ZFC3H1: variants seen among roughly 807,000 people sequenced by gnomAD.
ZFC3H1 encodes the protein zinc finger C3H1-type containing, also known as zinc finger C3H1 domain-containing protein.
Under a neutral mutation model 243.7 loss-of-function variants are expected in ZFC3H1, and 71 were observed. The ratio of observed to expected loss-of-function variants is 0.29; its 90% CI spans 0.24 to 0.36. The LOEUF is 0.36. ZFC3H1 is among the 10% of genes least tolerant of loss of function. The probability of loss-of-function intolerance (pLI) is 1.00; values close to 1 mark genes in which losing one functional copy is unlikely to be tolerated. For synonymous variants in ZFC3H1, 838 were observed against 813.0 expected (o/e 1.03, Z -0.52); for missense variants, 1,966 against 2,317.1 (o/e 0.85, Z 3.11).
chr12:71,639,740 C>G (rs7311278), intron 6 of ZFC3H1, among the ~76,000 whole-genome samples: 1 of 152,078 alleles, frequency 6.6e-6, no homozygotes, highest in South Asian at 2.1e-4. Context: ...GCAAGAGTAG[C>G]CTTCATTCAT....
At chr12:71,640,895 C>A (rs1336010548) in intron 6 of ZFC3H1, among the ~76,000 whole-genome samples, 2 of 151,686 alleles carry the variant, frequency 1.3e-5, no homozygotes, top group Non-Finnish European at 2.9e-5. Flanking sequence ...GCGAAAAACT[C>A]TATATGGAAA....
At chr12:71,616,185 C>A (rs1879890513) in intron 27 of ZFC3H1, among the ~76,000 whole-genome samples, 1 of 152,114 alleles carries the variant, frequency 6.6e-6, no homozygotes, top group Non-Finnish European at 1.5e-5. Flanking sequence ...ACAGTCCCAG[C>A]TACTCCCGGG....
chr12:71,650,081 G>A (rs774309701), intron 2 of ZFC3H1, among the ~76,000 whole-genome samples: 7 of 152,098 alleles, frequency 4.6e-5, no homozygotes, highest in Non-Finnish European at 8.8e-5. Flanking sequence ...CCAGCTACTC[G>A]GGAGGCCAAG....
chr12:71,633,938 G>A (rs552185463), intron 12 of ZFC3H1, among the ~76,000 whole-genome samples: 9 of 152,170 alleles, frequency 5.9e-5, no homozygotes, highest in Non-Finnish European at 1.2e-4. Flanking sequence ...GATTATAGGC[G>A]TGAGCCACCG....
chr12:71,611,241 C>T, intron 32 of ZFC3H1, 144 bp from the exon 33 acceptor site: 1 of 792,560 alleles, frequency 1.3e-6, no homozygotes, highest in Non-Finnish European at 1.8e-6. Context: ...ACAGGCTAAA[C>T]TTCCAAGGAG....
chr12:71,614,820 A>T lies in ZFC3H1; in HGVS notation c.5360+14T>A. The T allele has an allele frequency of 1.2e-6, 2 of 1,610,182 alleles. No homozygotes were observed. The highest frequency in any genetic ancestry group is 1.7e-6 in the Non-Finnish European group (2 of 1,177,672). ...TCCCCAAATCTCATTCTTATCAAGAAAACCTAAACTTACTCCATCCATATC... is the reference window on the plus strand; with the variant it reads ...TCCCCAAATCTCATTCTTATCAAGATAACCTAAACTTACTCCATCCATATC... On this transcript the variant is annotated intron_variant, in intron 29 of 34. Transcript: ENST00000378743.
chr12:71,633,164 A>G (rs927152119), intron 13 of ZFC3H1, 100 bp downstream of exon 13: 2 of 1,407,570 alleles, frequency 1.4e-6, no homozygotes, highest in Non-Finnish European at 1.9e-6. Flanking sequence ...TAGGTTATGC[A>G]TATTTTGCTG....
chr12:71,663,045 C>A lies in ZFC3H1; in HGVS notation c.566G>T (p.Ser189Ile). 1 of 1,612,352 alleles carries A rather than the reference C, an allele frequency of 6.2e-7. No homozygotes were observed. The highest frequency in any genetic ancestry group is 1.1e-5 in the South Asian group (1 of 91,030). ...CCGAGGTGGAGAGGGCTCTCGCCAG[C>A]TCTGACTGCTGCTGAACCCGGATCC... ...GAGSGFSSSQ[S>I]WREPSPPRKS... Residue 189 changes from serine to isoleucine, a missense_variant, in exon 1 of 35, where the codon AGC (serine) becomes ATC (isoleucine). Ser to Ile is a moderately radical substitution (Grantham distance 142). This residue lies in a region of ZFC3H1 where 484 missense variants were observed against 449.7 expected (regional missense o/e 1.08). Coordinates refer to ENST00000378743, the MANE Select transcript of ZFC3H1 (RefSeq NM_144982.5).
intron 31 of ZFC3H1, among the ~76,000 whole-genome samples, chr12:71,612,976 C>T (rs1299617994): frequency 6.6e-6 from 1 of 152,154 alleles, no homozygotes; most frequent in African/African-American, 2.4e-5. Flanking sequence ...AGCAACTGAC[C>T]TAGGTGAAAA....
intron 20 of ZFC3H1, among the ~76,000 whole-genome samples, chr12:71,628,430 A>G (rs1419424509): frequency 6.6e-6 from 1 of 152,250 alleles, no homozygotes; most frequent in African/African-American, 2.4e-5. Context: ...CAAACTTGAA[A>G]TTAGAAAGTA....
At position 71,663,579 on chromosome 12, in the gene ZFC3H1, G is replaced by C. The variant is rs750336760; in HGVS notation, c.32C>G (p.Ser11Cys). The C allele has an allele frequency of 6.2e-7, 1 of 1,612,254 alleles. No individual in the cohort carries two copies. The highest frequency in any genetic ancestry group is 8.5e-7 in the Non-Finnish European group (1 of 1,179,950). Residue 11 changes from serine to cysteine, a missense_variant, in exon 1 of 35, where the codon TCC (serine) becomes TGC (cysteine). Coordinates refer to ENST00000378743, the MANE Select transcript of ZFC3H1 (RefSeq NM_144982.5). Reference sequence around the variant, plus strand: ...TTCTTCCTTCGGCGAGAGGCCACTGGAGGCCGGGGCCGGAGTATCTGCGGT... The same window carrying C: ...TTCTTCCTTCGGCGAGAGGCCACTGCAGGCCGGGGCCGGAGTATCTGCGGT... MATADTPAPA[S>C]SGLSPKEEGE...
In ZFC3H1 at chr12:71,622,202, C is replaced by T. The variant is rs147479184; in HGVS notation, c.4744+1158G>A. Among the ~76,000 whole-genome samples, 10 of 152,254 alleles carry T rather than the reference C, an allele frequency of 6.6e-5. No individual in the cohort carries two copies. The East Asian group carries it at 1.9e-3, about 29-fold the overall frequency. On this transcript the variant is annotated intron_variant, in intron 24 of 34. Transcript: ENST00000378743. ...TGTCCTTTCTTTTCTCTCCTTCCTT[C>T]ACAGGGTATTTAATAAGCACTTAAT...
At position 71,663,591 on chromosome 12, in the gene ZFC3H1, G is replaced by C. The variant is rs1881255002; in HGVS notation, c.20C>G (p.Pro7Arg). 2 of 1,610,646 alleles carry C rather than the reference G, an allele frequency of 1.2e-6. No individual in the cohort carries two copies. The highest frequency in any genetic ancestry group is 1.7e-6 in the Non-Finnish European group (2 of 1,179,394). Residue 7 changes from proline to arginine, a missense_variant, in exon 1 of 35, where the codon CCG (proline) becomes CGG (arginine). Pro to Arg is a moderately radical substitution (Grantham distance 103). Around this residue, in one of 4 missense-constraint regions of ZFC3H1, gnomAD observed 484 missense variants for 449.7 expected, o/e 1.08. Transcript: ENST00000378743. ...CGAGAGGCCACTGGAGGCCGGGGCC[G>C]GAGTATCTGCGGTCGCCATCCGGGG... Reference protein sequence around the residue: MATADTPAPASSGLSPK... With the variant: MATADTRAPASSGLSPK...
Position 71,631,765 on chromosome 12 carries a change from CT to C in ZFC3H1, c.3470+12del. 6.4e-7 allele frequency: 1 copy of C among 1,562,168 alleles called. No individual in the cohort carries two copies. The stretch of plus-strand genomic sequence containing the variant: ...ATCCTGAAATTCAAGCTTATTGAAT[CT>C]TTCTTTTATACCTGTAGGACTTAAA... On this transcript the variant is annotated intron_variant, in intron 16 of 34. Coordinates refer to ENST00000378743, the MANE Select transcript of ZFC3H1 (RefSeq NM_144982.5).
chr12:71,611,235 G>A, intron 32 of ZFC3H1, 138 bp from the exon 33 acceptor site: 2 of 838,774 alleles, frequency 2.4e-6, no homozygotes, highest in Non-Finnish European at 3.3e-6. Flanking sequence ...AAGTTAACAG[G>A]CTAAACTTCC....
intron 10 of ZFC3H1, 139 bp downstream of exon 10, chr12:71,635,304 T>C: frequency 9.0e-7 from 1 of 1,111,666 alleles, no homozygotes; most frequent in Non-Finnish European, 1.2e-6. Flanking sequence ...AAAGTCCTAA[T>C]AGCACAAATA....
chr12:71,658,201 T>C (rs1881070123), intron 1 of ZFC3H1, among the ~76,000 whole-genome samples: 1 of 151,976 alleles, frequency 6.6e-6, no homozygotes, highest in Non-Finnish European at 1.5e-5. Context: ...TACACGAGAA[T>C]TGTTATACCT....
intron 23 of ZFC3H1, 61 bp downstream of exon 23, chr12:71,624,043 C>T (rs531004790): frequency 4.1e-5 from 60 of 1,457,422 alleles, no homozygotes; most frequent in South Asian, 2.1e-4. Context: ...CTATGGATAA[C>T]GGTGTAGACC....
chr12:71,648,588 A>C (rs1407256416), intron 2 of ZFC3H1, among the ~76,000 whole-genome samples: 2 of 152,186 alleles, frequency 1.3e-5, no homozygotes, highest in African/African-American at 4.8e-5. Context: ...TTTTACCATA[A>C]CACCACACCT....
Sources: gnomAD v4.1 joint callset for allele counts (sites outside exome capture counted in the v4.1 genomes callset) on GRCh38, gnomAD v4.1.1 for gene constraint, gnomAD v4.1.1 regional missense constraint, MANE v1.5 for transcripts, NCBI Gene and HGNC (gene_info 2026-07-23, HGNC 2026-07-21) for gene names.